SLC24A2: variants seen among roughly 807,000 people sequenced by gnomAD.
The protein encoded by SLC24A2 is solute carrier family 24 member 2.
A neutral mutation model predicts 62.0 loss-of-function variants in SLC24A2; 36 were observed. The ratio of observed to expected loss-of-function variants is 0.58; its 90% confidence interval spans 0.44 to 0.77. The LOEUF (loss-of-function observed/expected upper bound fraction) is 0.77. Among genes scored for constraint, SLC24A2 ranks in the 30% least tolerant of loss-of-function variants. SLC24A2 has a pLI of 0.00. For synonymous variants in SLC24A2, 358 were observed against 294.0 expected, an observed-to-expected ratio of 1.22 and a Z score of -2.23; for missense variants, 846 against 817.9, an observed-to-expected ratio of 1.03 and a Z score of -0.42.
At chr9:19,544,051 T>C (rs1332351880) in intron 8 of SLC24A2, among the ~76,000 whole-genome samples, 2 of 152,160 alleles carry the variant, frequency 1.3e-5, no homozygotes, top group African/African-American at 2.4e-5. Flanking sequence ...CCACTATTAT[T>C]GTGTGGGAGT....
intron 2 of SLC24A2, among the ~76,000 whole-genome samples, chr9:19,652,278 C>G (rs913960165): frequency 1.4e-4 from 21 of 152,080 alleles, no homozygotes; most frequent in African/African-American, 4.8e-4. Context: ...GAATACTGGT[C>G]TCCAAAGATG....
intron 1 of SLC24A2, 77 bp downstream of exon 1, chr9:19,788,808 G>C (rs957539530): frequency 2.9e-5 from 29 of 985,334 alleles, no homozygotes; most frequent in Non-Finnish European, 3.5e-5. Context: ...GCAGCAACGG[G>C]ATGCGCGCAA....
the SLC24A2 span, among the ~76,000 whole-genome samples, chr9:20,030,953 T>C: frequency 3.9e-4 from 59 of 152,096 alleles, no homozygotes; most frequent in Non-Finnish European, 8.2e-4. Flanking sequence ...GCACTTCCTA[T>C]TGGAGGAAAG....
chr9:19,633,311 G>C (rs1226578895), intron 2 of SLC24A2, among the ~76,000 whole-genome samples: 1 of 152,154 alleles, frequency 6.6e-6, no homozygotes, highest in African/African-American at 2.4e-5. Flanking sequence ...TGGGATATAT[G>C]CCCAAGAGTA....
the SLC24A2 span, among the ~76,000 whole-genome samples, chr9:20,212,485 T>C: frequency 2.0e-5 from 3 of 151,778 alleles, no homozygotes; most frequent in South Asian, 6.2e-4. Flanking sequence ...ACCCCATCTC[T>C]ACTAAAAATA....
At chr9:19,963,316 G>T in the SLC24A2 span, among the ~76,000 whole-genome samples, 5 of 151,376 alleles carry the variant, frequency 3.3e-5, no homozygotes, top group South Asian at 4.2e-4. Context: ...GGGTAAGGAC[G>T]TCGTGTCTAA....
the SLC24A2 span, among the ~76,000 whole-genome samples, chr9:19,917,956 GCTATTAAGAGAATAACTAT>G: frequency 1.3e-5 from 2 of 151,980 alleles, no homozygotes; most frequent in Non-Finnish European, 2.9e-5. Context: ...TGCTTGTTTT[GCTATTAAGAGAATAACTAT>G]CTATTGGCTT....
the SLC24A2 span, among the ~76,000 whole-genome samples, chr9:19,987,878 G>A: frequency 1.1e-4 from 17 of 152,216 alleles, no homozygotes; most frequent in African/African-American, 4.1e-4. Flanking sequence ...CTGAACCAGC[G>A]ACACCCATCT....
the SLC24A2 span, among the ~76,000 whole-genome samples, chr9:19,830,889 G>A: frequency 1.1e-4 from 17 of 152,276 alleles, no homozygotes; most frequent in African/African-American, 4.1e-4. Context: ...ATGTCTCACA[G>A]TTCTGGGGGC....
At chr9:20,031,085 T>G in the SLC24A2 span, among the ~76,000 whole-genome samples, 1 of 151,788 alleles carries the variant, frequency 6.6e-6, no homozygotes, top group African/African-American at 2.4e-5. Context: ...TAGAGAGAGA[T>G]ATGGATATAG....
At chr9:20,044,362 G>C in the SLC24A2 span, among the ~76,000 whole-genome samples, 1 of 152,112 alleles carries the variant, frequency 6.6e-6, no homozygotes, top group Admixed American at 6.5e-5. Flanking sequence ...AATCACAAAA[G>C]ACAGAACCTA....
chr9:20,069,118 C>G, the SLC24A2 span, among the ~76,000 whole-genome samples: 1 of 152,144 alleles, frequency 6.6e-6, no homozygotes, highest in Non-Finnish European at 1.5e-5. Flanking sequence ...TTATCCTTGA[C>G]TTTTTCTTCT....
At chr9:20,136,942 A>T in the SLC24A2 span, among the ~76,000 whole-genome samples, 2 of 152,130 alleles carry the variant, frequency 1.3e-5, no homozygotes, top group African/African-American at 4.8e-5. Context: ...AGATGGGCAA[A>T]TTGAGTATGA....
intron 5 of SLC24A2, among the ~76,000 whole-genome samples, chr9:19,594,461 G>C (rs1168843718): frequency 1.3e-5 from 2 of 151,940 alleles, no homozygotes; most frequent in East Asian, 1.9e-4. Context: ...GGTCCACTTA[G>C]GGAAAAAACA....
chr9:19,679,878 G>GTGTC (rs1554697555), intron 2 of SLC24A2, among the ~76,000 whole-genome samples: 14 of 132,466 alleles, frequency 1.1e-4, no homozygotes, highest in African/African-American at 3.3e-4. Context: ...GTGTGTGTGT[G>GTGTC]TGTGTCTGTG....
chr9:20,185,759 T>G, the SLC24A2 span, among the ~76,000 whole-genome samples: 1 of 151,768 alleles, frequency 6.6e-6, no homozygotes, highest in South Asian at 2.1e-4. Flanking sequence ...CATTTTAAAA[T>G]AGCCCCCAAG....
At chr9:19,733,595 T>C (rs1821404505) in intron 2 of SLC24A2, among the ~76,000 whole-genome samples, 1 of 152,144 alleles carries the variant, frequency 6.6e-6, no homozygotes, top group African/African-American at 2.4e-5. Flanking sequence ...GAATGAAAAA[T>C]CATGAATAGA....
intron 2 of SLC24A2, among the ~76,000 whole-genome samples, chr9:19,699,823 T>A (rs764707942): frequency 4.6e-5 from 7 of 152,076 alleles, no homozygotes; most frequent in Non-Finnish European, 1.0e-4. Context: ...AGTCTTAAAT[T>A]TTTTTTTCTG....
intron 2 of SLC24A2, among the ~76,000 whole-genome samples, chr9:19,692,627 T>C (rs1820076232): frequency 6.6e-6 from 1 of 152,180 alleles, no homozygotes; most frequent in Non-Finnish European, 1.5e-5. Context: ...ATCCTTCCAA[T>C]AATCACTCTT....
Sources: gnomAD v4.1 joint callset for allele counts (sites outside exome capture counted in the v4.1 genomes callset) on GRCh38, gnomAD v4.1.1 for gene constraint, MANE v1.5 for transcripts, NCBI Gene and HGNC (gene_info 2026-07-23, HGNC 2026-07-21) for gene names.